The following BCO1 variants were observed in gnomAD, a reference collection of about 807,000 sequenced individuals.
BCO1 encodes the protein beta,beta-carotene 15,15'-dioxygenase.
BCO1 carries 54 observed loss-of-function variants against 56.3 expected under a neutral mutation model. The observed-to-expected ratio is 0.96, with a 90% CI of 0.77 to 1.20. The LOEUF is 1.20. BCO1 is among the 50% of genes most tolerant of loss of function. The pLI is 0.00. For synonymous variants in BCO1, 318 were observed against 266.1 expected (o/e 1.20, Z -1.90); for missense variants, 801 against 690.9 (o/e 1.16, Z -1.79).
intron 2 of BCO1, among the ~76,000 whole-genome samples, chr16:81,246,874 G>GTACA (rs1483562357): frequency 2.0e-5 from 2 of 98,832 alleles, no homozygotes; most frequent in Admixed American, 2.0e-4. Context: ...AAAAAGAAGA[G>GTACA]TACAGAGCTG....
intron 1 of BCO1, among the ~76,000 whole-genome samples, 196 bp downstream of exon 1, chr16:81,239,168 C>T (rs1456106749): frequency 1.3e-5 from 2 of 151,904 alleles, no homozygotes; most frequent in East Asian, 1.9e-4. Flanking sequence ...AGGCACCCAC[C>T]ACCAAGCCCG....
At chr16:81,245,746 A>G (rs937351523) in intron 2 of BCO1, 143 bp downstream of exon 2, 236 of 1,034,386 alleles carry the variant, frequency 2.3e-4, no homozygotes, top group Middle Eastern at 6.0e-4. Context: ...CAAGGTGTTC[A>G]TAGGGCCACA....
chr16:81,272,080 C>T (rs1212093827), intron 7 of BCO1, among the ~76,000 whole-genome samples: 1 of 148,536 alleles, frequency 6.7e-6, no homozygotes, highest in East Asian at 2.0e-4. Flanking sequence ...TTAATAGGTA[C>T]ATACTATCTT....
chr16:81,239,080 G>A, intron 1 of BCO1, 108 bp downstream of exon 1: 2 of 959,544 alleles, frequency 2.1e-6, no homozygotes, highest in Non-Finnish European at 3.1e-6. Flanking sequence ...CCAGTGGCTT[G>A]ATCTCGGCCC....
intron 7 of BCO1, among the ~76,000 whole-genome samples, chr16:81,276,500 G>A (rs1907565749): frequency 6.6e-6 from 1 of 152,230 alleles, no homozygotes; most frequent in African/African-American, 2.4e-5. Context: ...TGCCTTGGTT[G>A]TGCTGGCTAG....
intron 4 of BCO1, chr16:81,262,645 T>C (rs981859287): frequency 1.2e-5 from 4 of 335,834 alleles, no homozygotes; most frequent in Non-Finnish European, 2.3e-5. Flanking sequence ...CTGGCCAACA[T>C]GGTGAAACCC....
Position 81,245,520 on chromosome 16 carries a change from C to G in BCO1, c.110C>G (p.Pro37Arg). The G allele has an allele frequency of 6.2e-7, 1 of 1,613,810 alleles. No homozygotes were observed. The highest frequency in any genetic ancestry group is 8.5e-7 in the Non-Finnish European group (1 of 1,179,704). ...CAGGGAACCCTGCTCCGCAATGGGCCTGGGATGCACACAGTTGGGGAGTCC... is the reference window on the plus strand; with the variant it reads ...CAGGGAACCCTGCTCCGCAATGGGCGTGGGATGCACACAGTTGGGGAGTCC... ...WLQGTLLRNG[P>R]GMHTVGESRY... The change falls in exon 2 of 11, where the codon CCT becomes CGT. Residue 37 changes from proline to arginine, a missense_variant. Physicochemically the swap from Pro to Arg is moderately radical, Grantham distance 103. Transcript: ENST00000258168.
chr16:81,257,296 G>T (rs117855554), intron 2 of BCO1, among the ~76,000 whole-genome samples: 4,292 of 152,010 alleles, frequency 0.028, 93 homozygotes, highest in Middle Eastern at 0.12. Flanking sequence ...ACGGGGTCTC[G>T]CTCTGTCGTC....
intron 2 of BCO1, among the ~76,000 whole-genome samples, chr16:81,256,098 G>A (rs1290994852): frequency 1.3e-5 from 2 of 151,794 alleles, no homozygotes; most frequent in Non-Finnish European, 2.9e-5. Context: ...TTACAGGCAT[G>A]AGGCACTGCG....
intron 7 of BCO1, among the ~76,000 whole-genome samples, chr16:81,275,013 A>T (rs1390995310): frequency 3.3e-5 from 5 of 152,148 alleles, no homozygotes; most frequent in Non-Finnish European, 5.9e-5. Context: ...ATTGCTACTT[A>T]TTGTCCCTTA....
intron 2 of BCO1, among the ~76,000 whole-genome samples, chr16:81,248,731 G>T (rs1905584999): frequency 6.6e-6 from 1 of 152,050 alleles, no homozygotes; most frequent in South Asian, 2.1e-4. Flanking sequence ...ACCAGTGGTG[G>T]CCGGGCGCGG....
chr16:81,289,066 T>C (rs4497677), intron 10 of BCO1, among the ~76,000 whole-genome samples: 150,657 of 152,302 alleles, frequency 0.99, 74,528 homozygotes, highest in East Asian at 1. Flanking sequence ...ATTTTACCAA[T>C]GGGATGCTCA....
Position 81,280,310 on chromosome 16 carries a change from TAC to T in BCO1, c.1102-535_1102-534del, listed in dbSNP as rs768116413. 1.2e-3 allele frequency among the ~76,000 whole-genome samples: 31 copies of T among 26,686 alleles called. 2 individuals carry two copies. The highest frequency in any genetic ancestry group is 1.7e-3 in the Non-Finnish European group (18 of 10,506). The allele number at this position is 26,686 out of a possible 152,430, so 17.5% of individuals were successfully genotyped here. ...AAAAAAAAAAAAAAAAAAAAAAAAT[TAC>T]ACACACACACAGACACACACACACA... On this transcript the variant is annotated intron_variant, in intron 7 of 10. Transcript: ENST00000258168.
chr16:81,257,062 A>G (rs1030270511), intron 2 of BCO1, among the ~76,000 whole-genome samples: 1 of 151,892 alleles, frequency 6.6e-6, no homozygotes, highest in African/African-American at 2.4e-5. Context: ...TTGCTTACAG[A>G]CCTCTTAGCG....
rs984767243 is a variant in BCO1, at chr16:81,267,893, T to A, written c.620-15T>A. ...ATCCTGCACAATTCCTGAGGCTTGCTTTTTGTCTTGCTAGAGGGCAAGAAG... is the reference window on the plus strand; with the variant it reads ...ATCCTGCACAATTCCTGAGGCTTGCATTTTGTCTTGCTAGAGGGCAAGAAG... On this transcript the variant is annotated splice_polypyrimidine_tract_variant and intron_variant, in intron 5 of 10. Coordinates refer to ENST00000258168, the MANE Select transcript of BCO1 (RefSeq NM_017429.3). 2 of 1,612,422 alleles carry A rather than the reference T, an allele frequency of 1.2e-6. No homozygotes were observed. The highest frequency in any genetic ancestry group is 1.7e-5 in the Admixed American group (1 of 59,994).
intron 3 of BCO1, among the ~76,000 whole-genome samples, chr16:81,260,874 A>T (rs541072782): frequency 5.3e-5 from 8 of 152,310 alleles, no homozygotes; most frequent in African/African-American, 1.9e-4. Context: ...TGACAGTTAA[A>T]TTCTTGGCCA....
At chr16:81,250,077 A>C (rs1221735219) in intron 2 of BCO1, among the ~76,000 whole-genome samples, 1 of 152,178 alleles carries the variant, frequency 6.6e-6, no homozygotes, top group Non-Finnish European at 1.5e-5. Flanking sequence ...CCCTGCCCCA[A>C]GTGTTTCATG....
chr16:81,250,965 A>T (rs1207818384), intron 2 of BCO1, among the ~76,000 whole-genome samples: 4 of 152,274 alleles, frequency 2.6e-5, no homozygotes, highest in African/African-American at 9.6e-5. Context: ...TTTCTAACAC[A>T]CTTCCCAGGT....
At chr16:81,262,339 C>T (rs760655707) in intron 4 of BCO1, 56 bp downstream of exon 4, 7 of 1,576,796 alleles carry the variant, frequency 4.4e-6, no homozygotes, top group East Asian at 2.2e-5. Flanking sequence ...GGAGAGTCGG[C>T]GACGGCCGGG....
Sources: allele counts gnomAD v4.1 joint callset (sites outside exome capture counted in the v4.1 genomes callset), GRCh38; gene constraint gnomAD v4.1.1; transcripts MANE v1.5; gene names NCBI Gene and HGNC (gene_info 2026-07-23, HGNC 2026-07-21).